AFF2: variants seen among roughly 807,000 people sequenced by gnomAD.
The protein encoded by AFF2 is ALF transcription elongation factor 2, also known as AF4/FMR2 family member 2.
Under a neutral mutation model 76.9 loss-of-function variants are expected in AFF2, and 14 were observed. That is an observed-to-expected ratio of 0.18 (90% CI 0.12 to 0.28). The LOEUF is 0.28. AFF2 is among the 10% of genes least tolerant of loss of function. The pLI is 1.00. For missense variants in AFF2, 868 were observed against 1,001.1 expected (o/e 0.87, Z 1.79); for synonymous variants, 398 against 366.7 (o/e 1.09, Z -0.98).
chrX:148,826,482 A>G (rs2124655450), intron 4 of AFF2, among the ~76,000 whole-genome samples: 1 of 111,581 alleles, frequency 9.0e-6, no homozygotes, highest in Non-Finnish European at 1.9e-5. Context: ...ATCAATAGCT[A>G]CTTGTAGCTT....
At chrX:148,696,190 G>C (rs1311876505) in intron 3 of AFF2, among the ~76,000 whole-genome samples, 2 of 110,411 alleles carry the variant, frequency 1.8e-5, no homozygotes, top group African/African-American at 6.6e-5. Flanking sequence ...TCAGTTCAAG[G>C]GCCTAGGGCT....
intron 1 of AFF2, among the ~76,000 whole-genome samples, chrX:148,539,919 G>T (rs782666643): frequency 1.2e-3 from 128 of 111,265 alleles, no homozygotes; most frequent in African/African-American, 4.0e-3. Flanking sequence ...TTAATTAAGG[G>T]TAAATGCTAC....
chrX:148,620,837 C>A (rs1376023493), intron 1 of AFF2, among the ~76,000 whole-genome samples: 1 of 111,893 alleles, frequency 8.9e-6, no homozygotes, highest in African/African-American at 3.2e-5. Flanking sequence ...AACCTTTTAT[C>A]AGAGCTGCCA....
intron 3 of AFF2, among the ~76,000 whole-genome samples, chrX:148,795,118 A>T (rs1408953097): frequency 1.8e-5 from 2 of 112,319 alleles, no homozygotes; most frequent in Non-Finnish European, 3.8e-5. Context: ...CCTGGCAAGG[A>T]CTCTAAATTT....
chrX:148,515,936 T>G (rs1275491377), intron 1 of AFF2, among the ~76,000 whole-genome samples: 4 of 111,806 alleles, frequency 3.6e-5, no homozygotes, highest in Non-Finnish European at 7.5e-5. Flanking sequence ...AAAAACATAA[T>G]GAGAATGAAA....
chrX:148,713,363 T>C (rs887382590), intron 3 of AFF2, among the ~76,000 whole-genome samples: 2 of 111,284 alleles, frequency 1.8e-5, no homozygotes, highest in African/African-American at 3.3e-5. Flanking sequence ...GTTATAGAAA[T>C]GCATCAAATT....
intron 8 of AFF2, among the ~76,000 whole-genome samples, chrX:148,894,912 C>T (rs2071265276): frequency 9.2e-6 from 1 of 108,546 alleles, no homozygotes; most frequent in Non-Finnish European, 1.9e-5. Context: ...TATATATATA[C>T]ACAAAATTGA....
Position 148,853,648 on chromosome X carries a change from T to G in AFF2, c.1262+10215T>G, listed in dbSNP as rs149397395. Reference sequence around the variant, plus strand: ...TAGTGTTGCCAAAGCTCAGTCCTGTTTCTTGACTCCTAGTTGAGTGCTATT... The same window carrying G: ...TAGTGTTGCCAAAGCTCAGTCCTGTGTCTTGACTCCTAGTTGAGTGCTATT... On this transcript the variant is annotated intron_variant, in intron 7 of 20. Coordinates refer to ENST00000370460, the MANE Select transcript of AFF2 (RefSeq NM_002025.4). Among the ~76,000 whole-genome samples, 492 of 111,867 alleles carry G rather than the reference T, an allele frequency of 4.4e-3. 3 individuals carry two copies. The highest frequency in any genetic ancestry group is 0.015 in the African/African-American group (474 of 30,806).
chrX:148,774,737 G>A (rs1026947472), intron 3 of AFF2, among the ~76,000 whole-genome samples: 6 of 111,577 alleles, frequency 5.4e-5, no homozygotes, highest in Admixed American at 4.8e-4. Context: ...TTGTTTCTTT[G>A]GGCTCAGATC....
At chrX:148,869,681 AGAGT>A (rs1173444572) in intron 7 of AFF2, among the ~76,000 whole-genome samples, 1 of 112,151 alleles carries the variant, frequency 8.9e-6, no homozygotes, top group African/African-American at 3.2e-5. Flanking sequence ...CTGCTATAAC[AGAGT>A]ACCACAAGTT....
intron 12 of AFF2, among the ~76,000 whole-genome samples, chrX:148,961,736 G>A (rs1557288042): frequency 8.9e-6 from 1 of 112,648 alleles, no homozygotes; most frequent in African/African-American, 3.2e-5. Flanking sequence ...AATTGACCAA[G>A]AGGAAAACAT....
chrX:148,843,086 T>C (rs1306997181), intron 6 of AFF2, 84 bp downstream of exon 6: 1 of 775,518 alleles, frequency 1.3e-6, no homozygotes, highest in Non-Finnish European at 1.9e-6. Flanking sequence ...CTTAAAATCA[T>C]TAAAACATGA....
intron 9 of AFF2, among the ~76,000 whole-genome samples, chrX:148,935,169 T>G (rs2124306151): frequency 9.1e-6 from 1 of 110,462 alleles, no homozygotes; most frequent in South Asian, 3.9e-4. Flanking sequence ...TACATATATA[T>G]ATATACACAC....
At chrX:148,528,357 G>T (rs182971942) in intron 1 of AFF2, among the ~76,000 whole-genome samples, 1 of 111,373 alleles carries the variant, frequency 9.0e-6, no homozygotes, top group Non-Finnish European at 1.9e-5. Flanking sequence ...CATTTAAAGG[G>T]AAACTGAGAT....
chrX:148,978,327 C>A, intron 17 of AFF2, 35 bp from the exon 18 acceptor site: 1 of 993,116 alleles, frequency 1.0e-6, no homozygotes, highest in Non-Finnish European at 1.4e-6. Flanking sequence ...TCACTAAGCA[C>A]TGGCATTAAC....
At chrX:148,588,109 C>A (rs782457551) in intron 1 of AFF2, among the ~76,000 whole-genome samples, 29 of 112,823 alleles carry the variant, frequency 2.6e-4, no homozygotes, top group Admixed American at 8.4e-4. Context: ...TTACTCTCTG[C>A]AGCACGGGTT....
chrX:148,655,424 C>T (rs1258636071), intron 2 of AFF2, among the ~76,000 whole-genome samples: 3 of 110,010 alleles, frequency 2.7e-5, no homozygotes, highest in African/African-American at 1.0e-4. Context: ...TACAGGTGTG[C>T]ACCACCATGT....
At chrX:148,948,160 T>C (rs1305483059) in intron 9 of AFF2, among the ~76,000 whole-genome samples, 1 of 112,468 alleles carries the variant, frequency 8.9e-6, no homozygotes, top group Non-Finnish European at 1.9e-5. Flanking sequence ...CAAACAGCAC[T>C]GGTGCAGGTG....
At chrX:148,928,252 A>G (rs2071675360) in intron 9 of AFF2, among the ~76,000 whole-genome samples, 1 of 112,428 alleles carries the variant, frequency 8.9e-6, no homozygotes, top group Admixed American at 9.4e-5. Context: ...TTCATAATAT[A>G]ACCATACAGG....
Sources: gnomAD v4.1 joint callset for allele counts (sites outside exome capture counted in the v4.1 genomes callset) on GRCh38, gnomAD v4.1.1 for gene constraint, MANE v1.5 for transcripts, NCBI Gene and HGNC (gene_info 2026-07-23, HGNC 2026-07-21) for gene names.